DNAI3: variants seen among roughly 807,000 people sequenced by gnomAD.
DNAI3 encodes the protein WD repeat domain 63.
In DNAI3, 83 loss-of-function variants were observed where a neutral mutation model predicts 115.5. The observed-to-expected ratio is 0.72, with a 90% CI of 0.60 to 0.86. The LOEUF (loss-of-function observed/expected upper bound fraction) is 0.86, where lower values mean the gene tolerates loss of function less well. Ranked by LOEUF, DNAI3 falls within the 40% of genes least tolerant of loss-of-function variation. The pLI, the probability that DNAI3 is intolerant of heterozygous loss-of-function variation, is 0.00. For synonymous variants in DNAI3, 320 were observed against 347.0 expected, an observed-to-expected ratio of 0.92 and a Z score of 0.86; for missense variants, 1,004 against 1,075.8, an observed-to-expected ratio of 0.93 and a Z score of 0.93.
At chr1:85,101,482 T>C (rs990944092) in intron 13 of DNAI3, among the ~76,000 whole-genome samples, 1 of 151,930 alleles carries the variant, frequency 6.6e-6, no homozygotes. Flanking sequence ...CCCAGCACTT[T>C]GGGAGGCCGA....
chr1:85,104,680 C>A, intron 14 of DNAI3, 83 bp downstream of exon 14: 1 of 1,066,368 alleles, frequency 9.4e-7, no homozygotes, highest in Non-Finnish European at 1.4e-6. Context: ...GTGTCTTCTT[C>A]TCCTTAATAT....
At chr1:85,091,616 A>G (rs1654978561) in intron 8 of DNAI3, among the ~76,000 whole-genome samples, 1 of 152,230 alleles carries the variant, frequency 6.6e-6, no homozygotes, top group Non-Finnish European at 1.5e-5. Context: ...CCTTTTAGAA[A>G]TGGGAAATTT....
intron 19 of DNAI3, 65 bp from the exon 20 acceptor site, chr1:85,126,446 T>C (rs1571203109): frequency 2.0e-6 from 3 of 1,500,078 alleles, no homozygotes; most frequent in African/African-American, 1.4e-5. Context: ...ATGAACAGCA[T>C]GGTGAATTTC....
At chr1:85,073,000 T>G in intron 2 of DNAI3, 54 bp from the exon 3 acceptor site, 7 of 1,024,238 alleles carry the variant, frequency 6.8e-6, no homozygotes, top group Non-Finnish European at 9.9e-6. Flanking sequence ...TATAATAAAT[T>G]GAGATGTATT....
chr1:85,083,766 G>A lies in DNAI3; in HGVS notation c.391-780G>A, dbSNP rs1324108319. On this transcript the variant is annotated intron_variant, in intron 5 of 22. Transcript: ENST00000294664. ...TACAGACAATATTCCACTCCCTCTCGTATCCTCCCTAATTCCATTTTCTTT... is the reference window on the plus strand; with the variant it reads ...TACAGACAATATTCCACTCCCTCTCATATCCTCCCTAATTCCATTTTCTTT... 2.0e-5 allele frequency among the ~76,000 whole-genome samples: 3 copies of A among 151,766 alleles called. No homozygotes were observed. The South Asian group carries it at 6.2e-4, about 32-fold the overall frequency.
chr1:85,118,906 T>C (rs1655909954), intron 17 of DNAI3, among the ~76,000 whole-genome samples: 1 of 151,840 alleles, frequency 6.6e-6, no homozygotes, highest in Non-Finnish European at 1.5e-5. Context: ...GCCTGAACAA[T>C]ATTTGGAGTT....
At chr1:85,111,291 A>G (rs1271595927) in intron 16 of DNAI3, among the ~76,000 whole-genome samples, 2 of 152,304 alleles carry the variant, frequency 1.3e-5, no homozygotes, top group South Asian at 2.1e-4. Flanking sequence ...AAAACATTGC[A>G]TGCTGTTTCT....
intron 3 of DNAI3, among the ~76,000 whole-genome samples, chr1:85,074,919 A>G (rs1571157366): frequency 1.3e-5 from 2 of 152,362 alleles, no homozygotes; most frequent in South Asian, 4.1e-4. Context: ...GAATAAATAA[A>G]TGAGTGAATG....
chr1:85,105,268 A>T (rs1020105871), intron 14 of DNAI3, among the ~76,000 whole-genome samples: 6 of 152,200 alleles, frequency 3.9e-5, no homozygotes, highest in Non-Finnish European at 8.8e-5. Flanking sequence ...GGGAGACATG[A>T]TTAATCCTGT....
intron 8 of DNAI3, among the ~76,000 whole-genome samples, chr1:85,090,467 G>A (rs578244429): frequency 1.3e-5 from 2 of 152,314 alleles, no homozygotes; most frequent in South Asian, 4.1e-4. Flanking sequence ...TTGAGTGTGT[G>A]AGGATGTTTT....
At chr1:85,103,888 AAATAATAAT>A (rs71075819) in intron 13 of DNAI3, among the ~76,000 whole-genome samples, 53,504 of 140,222 alleles carry the variant, frequency 0.38, 10,355 homozygotes, top group East Asian at 0.54. Context: ...TGCCTTCTCA[AAATAATAAT>A]AATAATAATA....
intron 7 of DNAI3, among the ~76,000 whole-genome samples, chr1:85,087,468 G>GA (rs1041771992): frequency 5.0e-5 from 6 of 119,816 alleles, no homozygotes; most frequent in Non-Finnish European, 9.0e-5. Flanking sequence ...AAGAAAGAAA[G>GA]AAAAAAAAAG....
intron 13 of DNAI3, among the ~76,000 whole-genome samples, chr1:85,103,608 C>T (rs1039309099): frequency 6.6e-6 from 1 of 152,042 alleles, no homozygotes; most frequent in Non-Finnish European, 1.5e-5. Flanking sequence ...ATTTATGAGG[C>T]CGGGCGCATG....
chr1:85,109,034 C>A (rs1430067831), intron 15 of DNAI3, among the ~76,000 whole-genome samples: 2 of 152,166 alleles, frequency 1.3e-5, no homozygotes, highest in Admixed American at 6.5e-5. Context: ...TGGTATTGTT[C>A]CTTCTGTACG....
intron 16 of DNAI3, among the ~76,000 whole-genome samples, chr1:85,110,595 T>C (rs1655629461): frequency 6.6e-6 from 1 of 152,136 alleles, no homozygotes; most frequent in African/African-American, 2.4e-5. Flanking sequence ...TGTGGAACTT[T>C]ATAATGGCAA....
chr1:85,084,935 C>A (rs11161524), intron 6 of DNAI3, among the ~76,000 whole-genome samples: 2 of 151,998 alleles, frequency 1.3e-5, no homozygotes, highest in Non-Finnish European at 2.9e-5. Context: ...GTGATTCTAT[C>A]TGAAAATAGG....
chr1:85,109,770 A>G (rs1655597345), intron 15 of DNAI3, among the ~76,000 whole-genome samples: 1 of 152,214 alleles, frequency 6.6e-6, no homozygotes, highest in African/African-American at 2.4e-5. Context: ...ATGGAATACA[A>G]TACAAGGCAT....
intron 5 of DNAI3, among the ~76,000 whole-genome samples, chr1:85,083,798 C>T (rs915549019): frequency 2.6e-5 from 4 of 152,028 alleles, no homozygotes; most frequent in Admixed American, 1.3e-4. Flanking sequence ...CTTTACTCCT[C>T]CCTATAAGGA....
intron 15 of DNAI3, among the ~76,000 whole-genome samples, chr1:85,108,529 G>A (rs1007749277): frequency 1.3e-5 from 2 of 152,086 alleles, no homozygotes; most frequent in Non-Finnish European, 2.9e-5. Flanking sequence ...ACAGAAAAAG[G>A]GAGCAGAAAA....
Sources: allele counts gnomAD v4.1 joint callset (sites outside exome capture counted in the v4.1 genomes callset), GRCh38; gene constraint gnomAD v4.1.1; transcripts MANE v1.5; gene names NCBI Gene and HGNC (gene_info 2026-07-23, HGNC 2026-07-21).